The following DAPK1 variants were observed in gnomAD, a reference collection of about 807,000 sequenced individuals.
The protein encoded by DAPK1 is death associated protein kinase 1.
A neutral mutation model predicts 144.9 loss-of-function variants in DAPK1; 56 were observed. That is an observed-to-expected ratio of 0.39 (90% confidence interval 0.31 to 0.48). The LOEUF is 0.48. Ranked by LOEUF, DAPK1 falls within the 20% of genes least tolerant of loss-of-function variation. The pLI is 0.95. For synonymous variants in DAPK1, 690 were observed against 749.0 expected (o/e 0.92, Z 1.29); for missense variants, 1,454 against 1,875.4 (o/e 0.78, Z 4.15).
At chr9:87,672,119 C>A (rs1343056921) in intron 19 of DAPK1, among the ~76,000 whole-genome samples, 2 of 152,314 alleles carry the variant, frequency 1.3e-5, no homozygotes, top group African/African-American at 4.8e-5. Flanking sequence ...CCCTTGCACA[C>A]TGCCTGCACA....
chr9:87,540,809 G>A (rs1826025034), intron 2 of DAPK1, among the ~76,000 whole-genome samples: 1 of 152,170 alleles, frequency 6.6e-6, no homozygotes, highest in African/African-American at 2.4e-5. Context: ...AAGGGAACCT[G>A]CATCTAATTA....
chr9:87,657,726 A>T (rs556661982), intron 17 of DAPK1: 7 of 393,820 alleles, frequency 1.8e-5, no homozygotes, highest in Non-Finnish European at 3.3e-5. Flanking sequence ...TATGGTGCAG[A>T]TCTTGCTGGA....
At chr9:87,684,872 A>G (rs149293932) in intron 20 of DAPK1, among the ~76,000 whole-genome samples, 17 of 152,304 alleles carry the variant, frequency 1.1e-4, no homozygotes, top group African/African-American at 3.8e-4. Flanking sequence ...AGCCTGTCCT[A>G]ACCTTTTATC....
Position 87,706,156 on chromosome 9 carries a change from G to C in DAPK1, c.3085G>C (p.Val1029Leu). 2 of 1,605,154 alleles carry C rather than the reference G, an allele frequency of 1.2e-6. No individual in the cohort carries two copies. The highest frequency in any genetic ancestry group is 1.7e-6 in the Non-Finnish European group (2 of 1,173,292). The change falls in exon 26 of 26, where the codon GTT (valine) becomes CTT (leucine). Residue 1029 changes from valine (V) to leucine (L), a missense_variant. Val to Leu is a conservative substitution (Grantham distance 32). Coordinates refer to ENST00000408954, the MANE Select transcript of DAPK1 (RefSeq NM_004938.4). The surrounding 1 kb of genome is among the most constrained non-coding windows in gnomAD (Gnocchi z 9.0). Reference protein sequence around the residue: ...GEINIMQSETVQDVLLLDPRW... With the variant: ...GEINIMQSETLQDVLLLDPRW... ...GATCAACATCATGCAAAGTGAAACA[G>C]TTCAGGACGTGCTGCTCCTGGACCC...
chr9:87,618,381 CA>C (rs1437601711), intron 3 of DAPK1, among the ~76,000 whole-genome samples: 1 of 152,162 alleles, frequency 6.6e-6, no homozygotes, highest in African/African-American at 2.4e-5. Context: ...GTCTGTTCCT[CA>C]AAATGTTAAA....
chr9:87,597,412 G>A (rs1314438205), intron 2 of DAPK1, among the ~76,000 whole-genome samples: 1 of 152,096 alleles, frequency 6.6e-6, no homozygotes, highest in Non-Finnish European at 1.5e-5. Context: ...CCAATGGGGG[G>A]GAAAATGTAG....
At chr9:87,510,329 T>C (rs1824788766) in intron 2 of DAPK1, among the ~76,000 whole-genome samples, 1 of 152,226 alleles carries the variant, frequency 6.6e-6, no homozygotes, top group Non-Finnish European at 1.5e-5. Flanking sequence ...ATATGAACCA[T>C]CATTTTGTAG....
At chr9:87,562,752 A>C (rs1286470588) in intron 2 of DAPK1, among the ~76,000 whole-genome samples, 1 of 152,248 alleles carries the variant, frequency 6.6e-6, no homozygotes, top group Non-Finnish European at 1.5e-5. Context: ...GAAATAAATA[A>C]ACCTTGCCAA....
chr9:87,580,563 T>G (rs1043204425), intron 2 of DAPK1, among the ~76,000 whole-genome samples: 5 of 152,240 alleles, frequency 3.3e-5, no homozygotes, highest in African/African-American at 1.2e-4. Flanking sequence ...CCTTTATCTC[T>G]TTAGCTTTGG....
At chr9:87,554,126 A>T (rs545080038) in intron 2 of DAPK1, 27 of 152,348 alleles carry the variant, frequency 1.8e-4, no homozygotes, top group African/African-American at 6.5e-4. Context: ...TAGGTCAGCA[A>T]TCCTGTTCTA....
intron 2 of DAPK1, among the ~76,000 whole-genome samples, chr9:87,551,137 A>C (rs1200669829): frequency 6.8e-6 from 1 of 147,402 alleles, no homozygotes; most frequent in Non-Finnish European, 1.5e-5. Flanking sequence ...ACATCATCAC[A>C]TCTATTAATT....
At chr9:87,614,373 G>T (rs1033705900) in intron 3 of DAPK1, among the ~76,000 whole-genome samples, 1 of 152,142 alleles carries the variant, frequency 6.6e-6, no homozygotes, top group Non-Finnish European at 1.5e-5. Context: ...GTAATATTTG[G>T]AATCTCTGTT....
intron 2 of DAPK1, among the ~76,000 whole-genome samples, chr9:87,576,512 G>A (rs1564003878): frequency 6.6e-6 from 1 of 152,140 alleles, no homozygotes; most frequent in Non-Finnish European, 1.5e-5. Context: ...CCCCTCATGA[G>A]CTGCCTGTTA....
At chr9:87,590,402 A>G (rs1480786645) in intron 2 of DAPK1, among the ~76,000 whole-genome samples, 1 of 149,100 alleles carries the variant, frequency 6.7e-6, no homozygotes, top group Non-Finnish European at 1.5e-5. Flanking sequence ...AAAAGAAAAG[A>G]AAAAGGAAGC....
chr9:87,532,244 A>G (rs1825726146), intron 2 of DAPK1, among the ~76,000 whole-genome samples: 2 of 152,224 alleles, frequency 1.3e-5, no homozygotes, highest in Admixed American at 1.3e-4. Context: ...ACATTTTTAA[A>G]TGATTGGAAA....
At chr9:87,509,367 TTC>T (rs1413129485) in intron 2 of DAPK1, among the ~76,000 whole-genome samples, 1 of 152,148 alleles carries the variant, frequency 6.6e-6, no homozygotes, top group Non-Finnish European at 1.5e-5. Context: ...GCATTTTCTT[TTC>T]TTTTTTTTTG....
At position 87,605,190 on chromosome 9, in the gene DAPK1, G is replaced by A; in HGVS notation, c.284+15G>A. On this transcript the variant is annotated intron_variant, in intron 3 of 25. Transcript: ENST00000408954. ...ATCTTGGAACTGTGAGTGCCGCCTG[G>A]GCCAGGCTGGGGAGAGGGTGTGGTG... 1.2e-6 allele frequency: 2 copies of A among 1,604,366 alleles called. No individual in the cohort carries two copies. Among genetic ancestry groups the A allele is most frequent in the East Asian group, 2.2e-5 (1 of 44,654 alleles).
At chr9:87,549,991 T>C (rs1466736890) in intron 2 of DAPK1, among the ~76,000 whole-genome samples, 1 of 152,218 alleles carries the variant, frequency 6.6e-6, no homozygotes, top group African/African-American at 2.4e-5. Context: ...TGTCATTTCC[T>C]AGAGCTCGGT....
intron 3 of DAPK1, among the ~76,000 whole-genome samples, chr9:87,606,233 C>T (rs543015733): frequency 1.6e-4 from 24 of 152,294 alleles, no homozygotes; most frequent in African/African-American, 5.5e-4. Context: ...CTGCAGGTAC[C>T]TCCACTTTGC....
Sources: gnomAD v4.1 joint callset for allele counts (sites outside exome capture counted in the v4.1 genomes callset) on GRCh38, gnomAD v4.1.1 for gene constraint, Gnocchi (gnomAD v3.1) non-coding constraint, MANE v1.5 for transcripts, NCBI Gene and HGNC (gene_info 2026-07-23, HGNC 2026-07-21) for gene names.